The following PDE4B variants were observed in gnomAD, a reference collection of about 807,000 sequenced individuals.
PDE4B encodes the protein phosphodiesterase 4B.
A neutral mutation model predicts 82.2 loss-of-function variants in PDE4B; 20 were observed. The ratio of observed to expected loss-of-function variants is 0.24; its 90% CI spans 0.17 to 0.35. The LOEUF (loss-of-function observed/expected upper bound fraction) is 0.35, where lower values mean the gene tolerates loss of function less well. Ranked by LOEUF, PDE4B falls within the 10% of genes least tolerant of loss-of-function variation. PDE4B has a pLI of 1.00. For synonymous variants in PDE4B, 320 were observed against 318.9 expected (o/e 1.00, Z -0.04); for missense variants, 655 against 907.2 (o/e 0.72, Z 3.57).
intron 3 of PDE4B, among the ~76,000 whole-genome samples, chr1:66,150,130 G>A (rs146480045): frequency 6.6e-6 from 1 of 152,196 alleles, no homozygotes; most frequent in East Asian, 1.9e-4. Context: ...CCTTATGCTA[G>A]TATCACACTG....
chr1:65,972,394 A>G (rs1311775551), intron 3 of PDE4B, among the ~76,000 whole-genome samples: 3 of 152,032 alleles, frequency 2.0e-5, no homozygotes, highest in Non-Finnish European at 4.4e-5. Flanking sequence ...AGAGCCTGTG[A>G]GTTCTTGGGA....
intron 3 of PDE4B, among the ~76,000 whole-genome samples, chr1:66,021,344 G>T (rs895971475): frequency 2.0e-5 from 3 of 152,108 alleles, no homozygotes; most frequent in Non-Finnish European, 4.4e-5. Context: ...GTCAATTTTG[G>T]CTTTTGTTGC....
At chr1:65,864,355 A>T (rs1312277035) in intron 1 of PDE4B, among the ~76,000 whole-genome samples, 1 of 151,988 alleles carries the variant, frequency 6.6e-6, no homozygotes, top group Non-Finnish European at 1.5e-5. Flanking sequence ...TTTGAAGCCT[A>T]CTTCTGTCAA....
At chr1:65,980,386 T>A (rs1313881287) in intron 3 of PDE4B, among the ~76,000 whole-genome samples, 1 of 152,198 alleles carries the variant, frequency 6.6e-6, no homozygotes. Flanking sequence ...CTATCTTTAG[T>A]CTTCAGCTGT....
chr1:66,011,014 A>C (rs1382577148), intron 3 of PDE4B, among the ~76,000 whole-genome samples: 3 of 151,712 alleles, frequency 2.0e-5, no homozygotes, highest in African/African-American at 7.3e-5. Flanking sequence ...TAAAGGAATC[A>C]TATAATGTGT....
chr1:66,220,410 G>A (rs932956998), intron 3 of PDE4B, among the ~76,000 whole-genome samples: 1 of 152,108 alleles, frequency 6.6e-6, no homozygotes, highest in Non-Finnish European at 1.5e-5. Context: ...AGACATTCAG[G>A]AGCCTGGTAC....
chr1:65,886,506 A>T (rs1646778519), intron 1 of PDE4B, among the ~76,000 whole-genome samples: 2 of 152,144 alleles, frequency 1.3e-5, no homozygotes, highest in African/African-American at 4.8e-5. Context: ...GCCTGTACTC[A>T]TAACCAACCT....
intron 3 of PDE4B, among the ~76,000 whole-genome samples, chr1:66,041,394 G>A (rs912246306): frequency 1.3e-5 from 2 of 151,866 alleles, no homozygotes; most frequent in African/African-American, 2.4e-5. Context: ...GTCATCCAAG[G>A]CTGACAATCG....
At chr1:66,232,893 T>C (rs891146244) in intron 3 of PDE4B, among the ~76,000 whole-genome samples, 4 of 152,186 alleles carry the variant, frequency 2.6e-5, no homozygotes, top group African/African-American at 9.7e-5. Context: ...GACAACTTGT[T>C]AGAAAGTTTT....
chr1:66,020,429 A>T lies in PDE4B; in HGVS notation c.281+101594A>T, dbSNP rs1039127360. 3.9e-5 allele frequency among the ~76,000 whole-genome samples: 6 copies of T among 152,194 alleles called. No homozygotes were observed. The South Asian group carries it at 8.3e-4, about 21-fold the overall frequency. ...TGCTGCACCCGATAACTCGTCATTT[A>T]TATTAGGTATATCTCCTAATGCTAT... On this transcript the variant is annotated intron_variant, in intron 3 of 16. Coordinates refer to ENST00000341517, the MANE Select transcript of PDE4B (RefSeq NM_002600.4).
chr1:66,171,906 G>A (rs1354785011), intron 3 of PDE4B, among the ~76,000 whole-genome samples: 1 of 152,142 alleles, frequency 6.6e-6, no homozygotes, highest in Non-Finnish European at 1.5e-5. Flanking sequence ...CTTAGCGCAG[G>A]ACCTTGTCCA....
intron 1 of PDE4B, among the ~76,000 whole-genome samples, chr1:65,815,437 A>G (rs914209291): frequency 3.9e-5 from 6 of 152,166 alleles, no homozygotes; most frequent in Non-Finnish European, 8.8e-5. Flanking sequence ...TAAGTGAGAA[A>G]AAATACAACC....
At chr1:65,817,061 A>G (rs1301244966) in intron 1 of PDE4B, among the ~76,000 whole-genome samples, 1 of 152,146 alleles carries the variant, frequency 6.6e-6, no homozygotes, top group East Asian at 1.9e-4. Context: ...AGTGGGCCCA[A>G]TTAAAAGGGT....
intron 1 of PDE4B, among the ~76,000 whole-genome samples, chr1:65,825,887 A>G (rs1423367718): frequency 6.6e-6 from 1 of 151,944 alleles, no homozygotes; most frequent in African/African-American, 2.4e-5. Flanking sequence ...CTTATATGCT[A>G]CATCCTTCTG....
chr1:66,229,827 C>T (rs184057985), intron 3 of PDE4B, among the ~76,000 whole-genome samples: 10 of 152,144 alleles, frequency 6.6e-5, no homozygotes, highest in African/African-American at 2.4e-4. Flanking sequence ...AAGCTTTTAG[C>T]TCTCTCTTCT....
chr1:65,803,033 A>G (rs934968613), intron 1 of PDE4B, among the ~76,000 whole-genome samples: 8 of 152,152 alleles, frequency 5.3e-5, no homozygotes. Flanking sequence ...TTTTAATGAC[A>G]TATATTAATA....
intron 1 of PDE4B, among the ~76,000 whole-genome samples, chr1:65,836,290 G>A (rs1436885531): frequency 6.6e-6 from 1 of 152,084 alleles, no homozygotes; most frequent in Non-Finnish European, 1.5e-5. Flanking sequence ...CCAACTCACC[G>A]CTATCCTTAC....
intron 3 of PDE4B, among the ~76,000 whole-genome samples, chr1:66,023,340 A>G (rs371000818): frequency 6.6e-6 from 1 of 152,170 alleles, no homozygotes; most frequent in African/African-American, 2.4e-5. Context: ...TTTCCTATGC[A>G]CTAAGGAGGA....
intron 3 of PDE4B, among the ~76,000 whole-genome samples, chr1:65,999,437 G>A (rs568238556): frequency 4.5e-4 from 68 of 152,260 alleles, no homozygotes; most frequent in African/African-American, 1.6e-3. Flanking sequence ...AGCAAACTAA[G>A]CCTGTATTCA....
Sources: gnomAD v4.1 joint callset for allele counts (sites outside exome capture counted in the v4.1 genomes callset) on GRCh38, gnomAD v4.1.1 for gene constraint, MANE v1.5 for transcripts, NCBI Gene and HGNC (gene_info 2026-07-23, HGNC 2026-07-21) for gene names.